L2HGDH: variants seen among roughly 807,000 people sequenced by gnomAD.
The protein encoded by L2HGDH is L-2-hydroxyglutarate dehydrogenase, mitochondrial.
L2HGDH carries 34 observed loss-of-function variants against 51.5 expected under a neutral mutation model. The ratio of observed to expected loss-of-function variants is 0.66; its 90% CI spans 0.50 to 0.88. The LOEUF is 0.88. Ranked by LOEUF, L2HGDH falls within the 40% of genes least tolerant of loss-of-function variation. The pLI is 0.00. For synonymous variants in L2HGDH, 198 were observed against 197.9 expected, an observed-to-expected ratio of 1.00 and a Z score of -0.01; for missense variants, 558 against 571.9, an observed-to-expected ratio of 0.98 and a Z score of 0.25.
At chr14:50,288,491 C>G (rs1249927483) in intron 4 of L2HGDH, among the ~76,000 whole-genome samples, 7 of 152,154 alleles carry the variant, frequency 4.6e-5, no homozygotes, top group Admixed American at 3.3e-4. Context: ...AGTCCAATGG[C>G]GCGATCTCAG....
intron 6 of L2HGDH, among the ~76,000 whole-genome samples, chr14:50,273,888 G>A (rs1889829059): frequency 6.6e-6 from 1 of 152,150 alleles, no homozygotes; most frequent in Admixed American, 6.5e-5. Flanking sequence ...AAACCAGCCC[G>A]ACCAACATGT....
chr14:50,283,330 C>G (rs1272853922), intron 5 of L2HGDH, among the ~76,000 whole-genome samples: 1 of 152,108 alleles, frequency 6.6e-6, no homozygotes, highest in Non-Finnish European at 1.5e-5. Flanking sequence ...TAGCACCAGT[C>G]AGAAGTGTCG....
At position 50,244,474 on chromosome 14, in the gene L2HGDH, A is replaced by C. The variant is rs1887917513; in HGVS notation, c.*2584T>G. On this transcript the variant is annotated 3_prime_UTR_variant, in exon 10 of 10. Transcript: ENST00000267436. ...AATCGTACTACTGACAAAATACAGA[A>C]TGATAATATTTTCCATCTCTTAGTA... 1 of 985,212 alleles carries C rather than the reference A, an allele frequency of 1.0e-6. No individual in the cohort carries two copies. The highest frequency in any genetic ancestry group is 1.2e-6 in the Non-Finnish European group (1 of 829,824). 61.0% of individuals were successfully genotyped at this position (985,212 alleles called of 1,614,324 possible).
At chr14:50,267,113 A>G (rs1230532565) in intron 8 of L2HGDH, among the ~76,000 whole-genome samples, 2 of 151,976 alleles carry the variant, frequency 1.3e-5, no homozygotes, top group Non-Finnish European at 2.9e-5. Flanking sequence ...TGCCAGATAT[A>G]TGAATAACTC....
rs1325250938 is a variant in L2HGDH at position 50,243,806 on chromosome 14, A to G, written c.*3252T>C. ...ATTAACTCGTCATTTAGCATTAGGT[A>G]TATCTCCTAATGCTATCCCTCCCCC... On this transcript the variant is annotated 3_prime_UTR_variant, in exon 10 of 10. Coordinates refer to ENST00000267436, the MANE Select transcript of L2HGDH (RefSeq NM_024884.3). The G allele has an allele frequency of 1.4e-5, 2 of 143,998 alleles. No homozygotes were observed. The highest frequency in any genetic ancestry group is 2.5e-5 in the African/African-American group (1 of 39,606). 8.9% of individuals were successfully genotyped at this position (143,998 alleles called of 1,614,324 possible).
chr14:50,282,013 T>C (rs889619770), intron 5 of L2HGDH, among the ~76,000 whole-genome samples: 2 of 152,140 alleles, frequency 1.3e-5, no homozygotes, highest in Admixed American at 1.3e-4. Context: ...GCTAAGTTTT[T>C]GTATTTTTAG....
At chr14:50,298,841 A>T (rs1345768301) in intron 3 of L2HGDH, among the ~76,000 whole-genome samples, 1 of 152,224 alleles carries the variant, frequency 6.6e-6, no homozygotes, top group Non-Finnish European at 1.5e-5. Flanking sequence ...CGAAAGCCGT[A>T]CTAAGAGGAA....
intron 1 of L2HGDH, among the ~76,000 whole-genome samples, chr14:50,305,670 T>A (rs574595191): frequency 6.6e-6 from 1 of 152,284 alleles, no homozygotes; most frequent in South Asian, 2.1e-4. Flanking sequence ...TCCACTAAGG[T>A]AGGTGTTCAA....
intron 3 of L2HGDH, among the ~76,000 whole-genome samples, chr14:50,301,008 TAG>T (rs1256819505): frequency 6.6e-6 from 1 of 152,108 alleles, no homozygotes; most frequent in East Asian, 1.9e-4. Flanking sequence ...AAATTTTTTG[TAG>T]AGATAGGGTC....
At chr14:50,295,773 T>C (rs1046251557) in intron 3 of L2HGDH, among the ~76,000 whole-genome samples, 11 of 149,384 alleles carry the variant, frequency 7.4e-5, no homozygotes, top group Admixed American at 2.0e-4. Context: ...AATTTCGCTC[T>C]TGTCACCCAG....
At chr14:50,253,444 C>A (rs755800531) in intron 9 of L2HGDH, among the ~76,000 whole-genome samples, 2 of 152,132 alleles carry the variant, frequency 1.3e-5, no homozygotes, top group Non-Finnish European at 2.9e-5. Context: ...TGCTCAACAT[C>A]ACTGATCATC....
chr14:50,293,956 A>G (rs1032783128), intron 4 of L2HGDH, among the ~76,000 whole-genome samples, 159 bp downstream of exon 4: 3 of 152,158 alleles, frequency 2.0e-5, no homozygotes, highest in Non-Finnish European at 2.9e-5. Context: ...AGGTGTCCAG[A>G]GTTTGTGACA....
At chr14:50,257,935 G>A (rs931759501) in intron 9 of L2HGDH, among the ~76,000 whole-genome samples, 7 of 151,580 alleles carry the variant, frequency 4.6e-5, no homozygotes, top group Admixed American at 4.6e-4. Context: ...TTTCTGTTCA[G>A]TACGACTTTA....
At chr14:50,264,597 G>A (rs897230652) in intron 9 of L2HGDH, among the ~76,000 whole-genome samples, 4 of 152,138 alleles carry the variant, frequency 2.6e-5, no homozygotes, top group Non-Finnish European at 1.5e-5. Flanking sequence ...TGGAGCTGGA[G>A]GCTATCATCC....
At chr14:50,269,428 T>C (rs760835856) in intron 6 of L2HGDH, 98 bp from the exon 7 acceptor site, 2 of 1,199,684 alleles carry the variant, frequency 1.7e-6, no homozygotes, top group South Asian at 1.3e-5. Flanking sequence ...GGTACAGAAA[T>C]AGAATTTTTT....
rs1889041028 is a variant in L2HGDH, at chr14:50,261,776, G to A, written c.1196+3582C>T. Reference sequence around the variant, plus strand: ...TAGGATTACAGGCATGAGCCACTGTGCCTGGCCTAGAGCTAACATTAAGAG... The same window carrying A: ...TAGGATTACAGGCATGAGCCACTGTACCTGGCCTAGAGCTAACATTAAGAG... On this transcript the variant is annotated intron_variant, in intron 9 of 9. Coordinates refer to ENST00000267436, the MANE Select transcript of L2HGDH (RefSeq NM_024884.3). Among the ~76,000 whole-genome samples, 3 of 152,144 alleles carry A rather than the reference G, an allele frequency of 2.0e-5. No individual in the cohort carries two copies. In the South Asian group the frequency reaches 6.2e-4, roughly 32 times the overall value.
Position 50,312,130 on chromosome 14 carries a change from A to G in L2HGDH, c.21T>C (p.Tyr7=). Residue 7 remains tyrosine, a synonymous_variant, in exon 1 of 10, where the codon TAT becomes TAC. Transcript: ENST00000267436. The part of the protein sequence containing the change: MVPALR[Y]LVGACGRARG... ...GGGCCCGTCCGCAGGCACCAACCAA[A>G]TAACGCAGCGCTGGCACCATCCCCT... The G allele has an allele frequency of 6.2e-7, 1 of 1,610,406 alleles. No homozygotes were observed. Among genetic ancestry groups the G allele is most frequent in the Non-Finnish European group, 8.5e-7 (1 of 1,179,054 alleles).
intron 6 of L2HGDH, among the ~76,000 whole-genome samples, chr14:50,273,551 T>C (rs1310848387): frequency 6.7e-6 from 1 of 149,418 alleles, no homozygotes; most frequent in Admixed American, 6.7e-5. Flanking sequence ...GTCTCAGCAA[T>C]TTTTTTTTTA....
chr14:50,285,526 A>C (rs1034220913), intron 4 of L2HGDH, among the ~76,000 whole-genome samples: 23 of 152,304 alleles, frequency 1.5e-4, no homozygotes, highest in African/African-American at 5.5e-4. Context: ...TCAATCTATA[A>C]ACAATATTTT....
Sources: allele counts gnomAD v4.1 joint callset (sites outside exome capture counted in the v4.1 genomes callset), GRCh38; gene constraint gnomAD v4.1.1; transcripts MANE v1.5; gene names NCBI Gene and HGNC (gene_info 2026-07-23, HGNC 2026-07-21).